Variants in UHRF1 observed in about 807,000 individuals in gnomAD.
UHRF1 encodes the protein ubiquitin like with PHD and ring finger domains 1, also known as E3 ubiquitin-protein ligase UHRF1.
In UHRF1, 9 loss-of-function variants were observed where a neutral mutation model predicts 96.5. That is an observed-to-expected ratio of 0.09 (90% CI 0.06 to 0.16). The LOEUF is 0.16. Ranked by LOEUF, UHRF1 falls within the 10% of genes least tolerant of loss-of-function variation. The pLI is 1.00. For synonymous variants in UHRF1, 455 were observed against 469.9 expected, an observed-to-expected ratio of 0.97 and a Z score of 0.41; for missense variants, 626 against 1,131.1, an observed-to-expected ratio of 0.55 and a Z score of 6.40.
chr19:4,959,511 G>C (rs551593758), intron 16 of UHRF1, among the ~76,000 whole-genome samples: 7 of 152,078 alleles, frequency 4.6e-5, no homozygotes, highest in African/African-American at 1.7e-4. Flanking sequence ...CCTCCCTGGC[G>C]TGCAGCCAGC....
upstream of UHRF1, among the ~76,000 whole-genome samples, chr19:4,907,777 A>G (rs2032098109): frequency 7.9e-6 from 1 of 126,506 alleles, no homozygotes; most frequent in Non-Finnish European, 1.5e-5. Flanking sequence ...CAATGGCGCG[A>G]TCTTGGCTCA....
At chr19:4,917,643 A>ACT (rs2032565906) in intron 2 of UHRF1, among the ~76,000 whole-genome samples, 2 of 118,422 alleles carry the variant, frequency 1.7e-5, no homozygotes, top group Non-Finnish European at 1.6e-5. Flanking sequence ...ACAGAGCGAG[A>ACT]CTCCGTCTCA....
At chr19:4,909,817 C>T (rs1029550258) in intron 1 of UHRF1, 162 bp downstream of exon 1, 10 of 428,018 alleles carry the variant, frequency 2.3e-5, no homozygotes, top group Non-Finnish European at 4.1e-5. Context: ...GGAATCGTTC[C>T]CCGGCACACA....
chr19:4,938,730 G>GTTTTTTTTTTTTTTTT lies in UHRF1; in HGVS notation c.786-2782_786-2767dup. Among the ~76,000 whole-genome samples, 79 of 61,586 alleles carry GTTTTTTTTTTTTTTTT rather than the reference G, an allele frequency of 1.3e-3. 12 individuals carry two copies. The highest frequency in any genetic ancestry group is 1.5e-3 in the Non-Finnish European group (51 of 34,020). 40.4% of individuals were successfully genotyped at this position (61,586 alleles called of 152,430 possible). ...GGCATAAGAGTTTTGTTTTGGTCAG[G>GTTTTTTTTTTTTTTTT]TTTTTTTTTTTTTTTTTTTTTTTTT... is the stretch of plus-strand genomic sequence containing the variant. On this transcript the variant is annotated intron_variant, in intron 5 of 16. Coordinates refer to ENST00000650932, the MANE Select transcript of UHRF1 (RefSeq NM_001048201.3).
At chr19:4,917,652 CAA>C (rs754990585) in intron 2 of UHRF1, among the ~76,000 whole-genome samples, 11 of 34,368 alleles carry the variant, frequency 3.2e-4, no homozygotes, top group East Asian at 1.2e-3. Context: ...GACTCCGTCT[CAA>C]AAAAAAAAAA....
intron 2 of UHRF1, among the ~76,000 whole-genome samples, chr19:4,927,096 A>C (rs372915624): frequency 2.0e-5 from 3 of 151,524 alleles, no homozygotes; most frequent in Non-Finnish European, 2.9e-5. Flanking sequence ...ACAAAAAAAA[A>C]CAGGCCGGGT....
In UHRF1 at chr19:4,923,734, G is replaced by A. The variant is rs554798624; in HGVS notation, c.154-5488G>A. On this transcript the variant is annotated intron_variant, in intron 2 of 16. Coordinates refer to ENST00000650932, the MANE Select transcript of UHRF1 (RefSeq NM_001048201.3). ...GGATGTCTGGGGACATTCATGACTC[G>A]GGCGCTCCTGGCGTGGAGTAGGTGG... Among the ~76,000 whole-genome samples, 3 of 152,318 alleles carry A rather than the reference G, an allele frequency of 2.0e-5. No individual in the cohort carries two copies. The East Asian group carries it at 5.8e-4, about 29-fold the overall frequency.
intron 2 of UHRF1, among the ~76,000 whole-genome samples, chr19:4,914,751 T>A (rs2032426832): frequency 6.6e-6 from 1 of 151,746 alleles, no homozygotes; most frequent in South Asian, 2.1e-4. Flanking sequence ...CTGTACATAA[T>A]CTTTTCAGCA....
At position 4,928,565 on chromosome 19, in the gene UHRF1, G is replaced by T. The variant is rs139030712; in HGVS notation, c.154-657G>T. The stretch of plus-strand genomic sequence containing the variant: ...AAGCGCACAAAGGGCGGGTGGAGCT[G>T]AGGGTCAGAGGAGGTGCCCTGGCAG... On this transcript the variant is annotated intron_variant, in intron 2 of 16. Coordinates refer to ENST00000650932, the MANE Select transcript of UHRF1 (RefSeq NM_001048201.3). Among the ~76,000 whole-genome samples, 350 of 152,346 alleles carry T rather than the reference G, an allele frequency of 2.3e-3. 2 individuals are homozygous for T. The highest frequency in any genetic ancestry group is 4.3e-3 in the Non-Finnish European group (292 of 68,014).
At chr19:4,924,887 C>T (rs537022497) in intron 2 of UHRF1, among the ~76,000 whole-genome samples, 2 of 147,550 alleles carry the variant, frequency 1.4e-5, no homozygotes, top group South Asian at 2.1e-4. Flanking sequence ...AATGTAGTGG[C>T]GTGATCTCGG....
chr19:4,952,922 A>G (rs2033757244), intron 13 of UHRF1, among the ~76,000 whole-genome samples: 1 of 152,068 alleles, frequency 6.6e-6, no homozygotes, highest in Non-Finnish European at 1.5e-5. Flanking sequence ...AGTCATGCTC[A>G]TTCACTGAAG....
At position 4,930,599 on chromosome 19, in the gene UHRF1, G is replaced by A; in HGVS notation, c.409-117G>A. The A allele has an allele frequency of 7.8e-7, 1 of 1,285,110 alleles. No homozygotes were observed. Among genetic ancestry groups the A allele is most frequent in the South Asian group, 1.4e-5 (1 of 69,992 alleles). The allele number at this position is 1,285,110 out of a possible 1,614,324, so 79.6% of individuals were successfully genotyped here. ...CCAGCCAGGGAGGAGAAACCTCGCT[G>A]TGGGCATTCGAGTTTGCGCCCTGGT... On this transcript the variant is annotated intron_variant, in intron 3 of 16. Transcript: ENST00000650932. This position sits in a 1 kb window ranked among gnomAD's most constrained non-coding sequence, Gnocchi z 4.4.
At chr19:4,917,426 C>T (rs997615829) in intron 2 of UHRF1, among the ~76,000 whole-genome samples, 2 of 151,648 alleles carry the variant, frequency 1.3e-5, no homozygotes, top group African/African-American at 4.8e-5. Context: ...GAGGCTGAGG[C>T]AGGCGGATCA....
At chr19:4,907,890 T>C (rs981236219), upstream of UHRF1, among the ~76,000 whole-genome samples, 1 of 151,850 alleles carries the variant, frequency 6.6e-6, no homozygotes, top group Non-Finnish European at 1.5e-5. Context: ...TTTTGTGTTT[T>C]TAGTAGAAAC....
intron 2 of UHRF1, among the ~76,000 whole-genome samples, chr19:4,918,396 A>G (rs1017705236): frequency 6.6e-6 from 1 of 150,418 alleles, no homozygotes; most frequent in African/African-American, 2.4e-5. Flanking sequence ...TGCTGGGATT[A>G]CAAGTATGAG....
Position 4,932,808 on chromosome 19 carries a change from A to T in UHRF1, c.637A>T (p.Lys213Ter). The T allele has an allele frequency of 6.2e-7, 1 of 1,613,862 alleles. No individual in the cohort carries two copies. The highest frequency in any genetic ancestry group is 8.5e-7 in the Non-Finnish European group (1 of 1,179,878). The change falls in exon 5 of 17, where the codon AAG becomes TAG. Residue 213 changes from lysine to a stop codon, truncating the protein, a stop_gained. Coordinates refer to ENST00000650932, the MANE Select transcript of UHRF1 (RefSeq NM_001048201.3). LOFTEE classifies it high-confidence loss of function. ...CCGAGCGCGCGCCCGCACCATCATCAAGTGGCAGGACCTGGAGGTGGGCCA... is the reference window on the plus strand; with the variant it reads ...CCGAGCGCGCGCCCGCACCATCATCTAGTGGCAGGACCTGGAGGTGGGCCA... ...DVRARARTII[K>*]WQDLEVGQVV...
upstream of UHRF1, among the ~76,000 whole-genome samples, chr19:4,905,706 C>T (rs183745473): frequency 1.4e-3 from 214 of 151,750 alleles, no homozygotes; most frequent in Middle Eastern, 6.8e-3. Flanking sequence ...TTAGTAGAGA[C>T]GGGGTTTCAC....
intron 2 of UHRF1, among the ~76,000 whole-genome samples, chr19:4,916,979 T>A (rs139678058): frequency 9.9e-5 from 15 of 152,144 alleles, no homozygotes; most frequent in Non-Finnish European, 1.3e-4. Context: ...CCCGGTGGCA[T>A]TATCTGCCCT....
chr19:4,926,716 G>A (rs1599257836), intron 2 of UHRF1, among the ~76,000 whole-genome samples: 1 of 151,502 alleles, frequency 6.6e-6, no homozygotes, highest in South Asian at 2.1e-4. Flanking sequence ...AGTGAGCTAC[G>A]ATTGCACCAC....
Sources: allele counts gnomAD v4.1 joint callset (sites outside exome capture counted in the v4.1 genomes callset), GRCh38; gene constraint gnomAD v4.1.1; non-coding constraint Gnocchi (gnomAD v3.1); transcripts MANE v1.5; gene names NCBI Gene and HGNC (gene_info 2026-07-23, HGNC 2026-07-21).